The following RAB11FIP4 variants were observed in gnomAD, a reference collection of about 807,000 sequenced individuals.
The protein encoded by RAB11FIP4 is RAB11 family interacting protein 4, also known as rab11 family-interacting protein 4.
Under a neutral mutation model 74.3 loss-of-function variants are expected in RAB11FIP4, and 23 were observed. The ratio of observed to expected loss-of-function variants is 0.31; its 90% CI spans 0.22 to 0.44. The LOEUF is 0.44. Among genes scored for constraint, RAB11FIP4 ranks in the 20% least tolerant of loss-of-function variants. The pLI is 1.00. For synonymous variants in RAB11FIP4, 360 were observed against 359.9 expected, an observed-to-expected ratio of 1.00 and a Z score of 0.00; for missense variants, 630 against 863.9, an observed-to-expected ratio of 0.73 and a Z score of 3.39.
chr17:31,410,056 T>C (rs2071078895), intron 1 of RAB11FIP4, among the ~76,000 whole-genome samples: 1 of 152,074 alleles, frequency 6.6e-6, no homozygotes, highest in South Asian at 2.1e-4. Context: ...ACCTGCGAAA[T>C]TGGGATGCGA....
At chr17:31,411,023 G>A (rs1274984227) in intron 1 of RAB11FIP4, among the ~76,000 whole-genome samples, 3 of 152,164 alleles carry the variant, frequency 2.0e-5, no homozygotes, top group Non-Finnish European at 4.4e-5. Flanking sequence ...ATGGCACACG[G>A]TTTAATGGAG....
chr17:31,528,336 G>A, intron 11 of RAB11FIP4, 70 bp from the exon 12 acceptor site: 2 of 1,536,842 alleles, frequency 1.3e-6, no homozygotes, highest in South Asian at 1.2e-5. Context: ...CCAGACCCCA[G>A]GGACACCCCT....
chr17:31,519,335 C>G (rs1396917105), intron 4 of RAB11FIP4, among the ~76,000 whole-genome samples: 1 of 152,126 alleles, frequency 6.6e-6, no homozygotes, highest in Non-Finnish European at 1.5e-5. Flanking sequence ...TTAATTACTT[C>G]CCATCTACTC....
At chr17:31,507,808 A>ATGTTT (rs2072380306) in intron 3 of RAB11FIP4, among the ~76,000 whole-genome samples, 2 of 151,470 alleles carry the variant, frequency 1.3e-5, no homozygotes, top group Admixed American at 1.3e-4. Flanking sequence ...TTTTAGTAAT[A>ATGTTT]TGTTTTGTTT....
chr17:31,461,588 C>A (rs1308476369), intron 3 of RAB11FIP4, among the ~76,000 whole-genome samples: 2 of 152,190 alleles, frequency 1.3e-5, no homozygotes, highest in African/African-American at 4.8e-5. Context: ...CTTGACATTC[C>A]TAGTGTGGTC....
chr17:31,394,953 C>T (rs1447106965), intron 1 of RAB11FIP4, among the ~76,000 whole-genome samples: 3 of 150,196 alleles, frequency 2.0e-5, no homozygotes, highest in Non-Finnish European at 4.4e-5. Flanking sequence ...GGGGGGGGCT[C>T]CCTTACGAAA....
At position 31,535,450 on chromosome 17, in the gene RAB11FIP4, A is replaced by T. The variant is rs536143651; in HGVS notation, c.*3718A>T. The T allele has an allele frequency of 1.3e-5, 2 of 152,284 alleles. No homozygotes were observed. The highest frequency in any genetic ancestry group is 2.1e-4 in the South Asian group (1 of 4,822). 9.4% of individuals were successfully genotyped at this position (152,284 alleles called of 1,614,324 possible). ...CATCGAGATGTGTAAAGACCTCCCC[A>T]GGTGATGATATGCAGTCCGAGGTTG... On this transcript the variant is annotated 3_prime_UTR_variant, in exon 15 of 15. Transcript: ENST00000621161.
intron 3 of RAB11FIP4, among the ~76,000 whole-genome samples, chr17:31,455,108 A>G (rs2071566827): frequency 6.6e-6 from 1 of 152,218 alleles, no homozygotes; most frequent in African/African-American, 2.4e-5. Flanking sequence ...TAATAGAAAA[A>G]AGGCATACGA....
At chr17:31,520,469 A>G (rs1327247417) in intron 4 of RAB11FIP4, among the ~76,000 whole-genome samples, 1 of 152,234 alleles carries the variant, frequency 6.6e-6, no homozygotes, top group African/African-American at 2.4e-5. Flanking sequence ...GCTACTACAG[A>G]AGCAGAGCAG....
intron 4 of RAB11FIP4, among the ~76,000 whole-genome samples, chr17:31,520,590 C>G (rs1429648285): frequency 6.6e-6 from 1 of 152,164 alleles, no homozygotes; most frequent in Non-Finnish European, 1.5e-5. Context: ...TCACTGCAAG[C>G]TCCACCTCCC....
At chr17:31,521,606 A>G (rs949225646) in intron 5 of RAB11FIP4, among the ~76,000 whole-genome samples, 1 of 151,998 alleles carries the variant, frequency 6.6e-6, no homozygotes, top group Non-Finnish European at 1.5e-5. Context: ...GTCATCTTGT[A>G]TCCTAGAACC....
At chr17:31,473,433 C>G (rs2071759401) in intron 3 of RAB11FIP4, among the ~76,000 whole-genome samples, 1 of 151,718 alleles carries the variant, frequency 6.6e-6, no homozygotes, top group South Asian at 2.1e-4. Flanking sequence ...GTCCTAGCTA[C>G]TCGGAGGCTG....
intron 1 of RAB11FIP4, among the ~76,000 whole-genome samples, chr17:31,402,866 C>A (rs2107362): frequency 0.04 from 6,114 of 151,820 alleles, 164 homozygotes; most frequent in Non-Finnish European, 0.062. Context: ...ACCTTGTGAT[C>A]CACCCGCCTT....
At chr17:31,491,892 A>C (rs912189557) in intron 3 of RAB11FIP4, among the ~76,000 whole-genome samples, 4 of 152,192 alleles carry the variant, frequency 2.6e-5, no homozygotes, top group African/African-American at 9.7e-5. Context: ...CCCTGCCCTC[A>C]GCTTGAGTTG....
At chr17:31,517,191 C>CGGGGGGGGGAGGGGGGGGGGGGGG (rs2072569039) in intron 3 of RAB11FIP4, among the ~76,000 whole-genome samples, 1 of 42,700 alleles carries the variant, frequency 2.3e-5, no homozygotes, top group Non-Finnish European at 5.5e-5. Context: ...GGAGGCGGTG[C>CGGGGGGGGGAGGGGGGGGGGGGGG]GGGGGGGGGG....
At chr17:31,477,943 A>G (rs553898321) in intron 3 of RAB11FIP4, among the ~76,000 whole-genome samples, 1 of 151,822 alleles carries the variant, frequency 6.6e-6, no homozygotes, top group African/African-American at 2.4e-5. Flanking sequence ...CATGTGAAGC[A>G]CTAGAACGGA....
chr17:31,423,270 T>C (rs1015256288), intron 1 of RAB11FIP4, among the ~76,000 whole-genome samples: 2 of 152,228 alleles, frequency 1.3e-5, no homozygotes, highest in Non-Finnish European at 2.9e-5. Context: ...TTTCTTTGTA[T>C]GTCAAGTAAT....
At chr17:31,445,803 C>T (rs1240598828) in intron 3 of RAB11FIP4, among the ~76,000 whole-genome samples, 1 of 150,368 alleles carries the variant, frequency 6.7e-6, no homozygotes, top group Non-Finnish European at 1.5e-5. Context: ...GTTGGCCAGG[C>T]TGGTCTTGAA....
At chr17:31,522,473 C>G in intron 7 of RAB11FIP4, 78 bp downstream of exon 7, 1 of 1,425,728 alleles carries the variant, frequency 7.0e-7, no homozygotes, top group Admixed American at 1.8e-5. Context: ...TGCCAGCAGC[C>G]CGGACTCAGC....
Sources: gnomAD v4.1 joint callset for allele counts (sites outside exome capture counted in the v4.1 genomes callset) on GRCh38, gnomAD v4.1.1 for gene constraint, MANE v1.5 for transcripts, NCBI Gene and HGNC (gene_info 2026-07-23, HGNC 2026-07-21) for gene names.